The following HEATR4 variants were observed in gnomAD, a reference collection of about 807,000 sequenced individuals.
The protein encoded by HEATR4 is HEAT repeat-containing protein 4.
Under a neutral mutation model 108.8 loss-of-function variants are expected in HEATR4, and 95 were observed. The observed-to-expected ratio is 0.87, with a 90% CI of 0.74 to 1.04. The LOEUF is 1.04. HEATR4 is among the 50% of genes least tolerant of loss of function. HEATR4 has a pLI of 0.00. For synonymous variants in HEATR4, 443 were observed against 459.4 expected (o/e 0.96, Z 0.46); for missense variants, 1,152 against 1,253.8 (o/e 0.92, Z 1.23).
chr14:73,544,621 A>AACAATG lies in HEATR4; in HGVS notation c.-152+14124_-152+14129dup, dbSNP rs773766219. ...TGAGATGAATTACATAAGCGATTTTAACAATGACAAATGTGAAATTCAATA... is the reference window on the plus strand; with the variant it reads ...TGAGATGAATTACATAAGCGATTTTAACAATGACAATGACAAATGTGAAATTCAATA... On this transcript the variant is annotated intron_variant, in intron 1 of 17. Transcript: ENST00000553558. Among the ~76,000 whole-genome samples, 10 of 115,884 alleles carry AACAATG rather than the reference A, an allele frequency of 8.6e-5. 3 individuals carry two copies. Among genetic ancestry groups the AACAATG allele is most frequent in the Non-Finnish European group, 1.9e-4 (10 of 53,088 alleles). The allele number at this position is 115,884 out of a possible 152,430, so 76.0% of individuals were successfully genotyped here.
the HEATR4 span, among the ~76,000 whole-genome samples, chr14:73,607,298 A>G: frequency 6.6e-6 from 1 of 152,172 alleles, no homozygotes; most frequent in Non-Finnish European, 1.5e-5. Context: ...TGACAGAGAG[A>G]GACTCAGTCT....
rs145939433 is a variant in HEATR4, at chr14:73,522,681, G to A, written c.472C>T (p.Arg158Trp). 9.6e-4 allele frequency: 1,555 copies of A among 1,614,224 alleles called. 12 individuals are homozygous for A. Among genetic ancestry groups the A allele is most frequent in the South Asian group, 6.3e-3 (574 of 91,086 alleles). ...LKKSKPASTV[R>W]EAPRPLIHHP... ...TGGATGAGAGGGCGGGGTGCTTCCC[G>A]GACGGTGCTGGCTGGCTTTGATTTC... Residue 158 changes from arginine (R) to tryptophan (W), a missense_variant, in exon 3 of 18, where the codon CGG (arginine) becomes TGG (tryptophan). Coordinates refer to ENST00000553558, the MANE Select transcript of HEATR4 (RefSeq NM_001220484.1).
In HEATR4 at chr14:73,514,039, C is replaced by T. The variant is rs751431280; in HGVS notation, c.1406G>A (p.Trp469Ter). ...RRMLKEWKTA[W>*]ALIIEWHHET... ...GACCTCCCTTCACTCACTCAGAGCC[C>T]AGGCAGTCTTCCATTCCTTCAGCAT... is the stretch of plus-strand genomic sequence containing the variant. The change falls in exon 6 of 18, where the codon TGG becomes TAG. Residue 469 changes from tryptophan to a stop codon, truncating the protein, a stop_gained. Transcript: ENST00000553558. LOFTEE classifies it high-confidence loss of function. The T allele has an allele frequency of 6.2e-7, 1 of 1,614,182 alleles. No homozygotes were observed.
chr14:73,513,604 G>A (rs1042374256), intron 6 of HEATR4, among the ~76,000 whole-genome samples: 8 of 151,062 alleles, frequency 5.3e-5, no homozygotes, highest in Non-Finnish European at 8.9e-5. Context: ...GCGGGTGCCT[G>A]TAATCCTAGC....
rs1233887999 is a variant in HEATR4 at position 73,552,067 on chromosome 14, C to G, written c.-152+6684G>C. Among the ~76,000 whole-genome samples the G allele has an allele frequency of 1.7e-5, 2 of 114,532 alleles. 1 individual carries two copies. Among genetic ancestry groups the G allele is most frequent in the Non-Finnish European group, 3.8e-5 (2 of 52,408 alleles). 75.1% of individuals were successfully genotyped at this position (114,532 alleles called of 152,430 possible). The stretch of plus-strand genomic sequence containing the variant: ...TTGACCTTCAGGTGCCCGGTCAGGT[C>G]TCTTCCAAGTGAACTTTCCTTTCTT... On this transcript the variant is annotated intron_variant, in intron 1 of 17. Coordinates refer to ENST00000553558, the MANE Select transcript of HEATR4 (RefSeq NM_001220484.1).
chr14:73,594,667 G>A, the HEATR4 span, among the ~76,000 whole-genome samples: 2 of 145,572 alleles, frequency 1.4e-5, no homozygotes, highest in Non-Finnish European at 1.5e-5. Flanking sequence ...TTTTTGCATT[G>A]GATAAGTTAT....
At chr14:73,499,003 G>A in intron 13 of HEATR4, 68 bp downstream of exon 13, 4 of 1,336,282 alleles carry the variant, frequency 3.0e-6, no homozygotes, top group Non-Finnish European at 3.2e-6. Context: ...AGTTTCAGGG[G>A]ATCATTTCTA....
chr14:73,609,598 G>A, the HEATR4 span, among the ~76,000 whole-genome samples: 2,251 of 152,202 alleles, frequency 0.015, 55 homozygotes, highest in African/African-American at 0.051. Flanking sequence ...GCAGCACAGG[G>A]ACATCCTTCA....
At chr14:73,572,639 ATT>A in the HEATR4 span, among the ~76,000 whole-genome samples, 2,010 of 107,078 alleles carry the variant, frequency 0.019, 75 homozygotes, top group African/African-American at 0.056. Flanking sequence ...AGGTGTTTGC[ATT>A]TTTTTTTTTT....
the HEATR4 span, among the ~76,000 whole-genome samples, chr14:73,578,612 G>A: frequency 3.3e-5 from 5 of 152,066 alleles, no homozygotes; most frequent in South Asian, 2.1e-4. Flanking sequence ...GAAACAGACC[G>A]AAAAGTTCAT....
In HEATR4 at chr14:73,541,038, A is replaced by C. The variant is rs1444054029; in HGVS notation, c.-151-10794T>G. Among the ~76,000 whole-genome samples the C allele has an allele frequency of 2.9e-4, 33 of 114,378 alleles. 1 individual carries two copies. Among genetic ancestry groups the C allele is most frequent in the African/African-American group, 9.1e-4 (31 of 34,138 alleles). The allele number at this position is 114,378 out of a possible 152,430, so 75.0% of individuals were successfully genotyped here. A position where few individuals can be genotyped will look rare whatever the true frequency, so the allele number is the denominator to read the frequency against. ...ATTACAGGCGTGAGCCACCAGACCCAGCCTGCATTATTATTCTTTAATTTT... is the reference window on the plus strand; with the variant it reads ...ATTACAGGCGTGAGCCACCAGACCCCGCCTGCATTATTATTCTTTAATTTT... On this transcript the variant is annotated intron_variant, in intron 1 of 17. Transcript: ENST00000553558.
chr14:73,593,772 C>G, the HEATR4 span: 1 of 1,613,976 alleles, frequency 6.2e-7, no homozygotes, highest in African/African-American at 1.3e-5. Flanking sequence ...ATCGAGCCAG[C>G]CTCCTTGCTG....
At chr14:73,573,469 G>A in the HEATR4 span, 1 of 1,613,732 alleles carries the variant, frequency 6.2e-7, no homozygotes, top group South Asian at 1.1e-5. Context: ...CTGCTGGCTG[G>A]GAAGGGTTTT....
chr14:73,491,597 C>G (rs1304555493), intron 17 of HEATR4: 1 of 1,546,506 alleles, frequency 6.5e-7, no homozygotes, highest in Non-Finnish European at 8.7e-7. Context: ...CGAGCTGAAC[C>G]GCATCCCCAG....
intron 1 of HEATR4, chr14:73,539,381 G>T: frequency 7.8e-6 from 1 of 128,568 alleles, no homozygotes; most frequent in South Asian, 2.0e-4. Flanking sequence ...AGTCCCCAAA[G>T]ACCACGGTCT....
At chr14:73,573,666 T>A in the HEATR4 span, 1 of 1,552,710 alleles carries the variant, frequency 6.4e-7, no homozygotes, top group Non-Finnish European at 8.9e-7. Context: ...TCACAGAAGT[T>A]AGCTCATTCA....
chr14:73,569,931 G>C, the HEATR4 span: 1 of 1,565,104 alleles, frequency 6.4e-7, no homozygotes, highest in Non-Finnish European at 8.6e-7. Context: ...CTTTCACTTT[G>C]TGTGTCTCCC....
intron 7 of HEATR4, 31 bp downstream of exon 7, chr14:73,511,975 T>C (rs1239001194): frequency 1.2e-6 from 2 of 1,613,244 alleles, no homozygotes; most frequent in East Asian, 4.5e-5. Context: ...GAGTTGCTTA[T>C]GTTCTCAAGC....
chr14:73,575,414 G>A, the HEATR4 span: 2 of 1,337,250 alleles, frequency 1.5e-6, no homozygotes, highest in Non-Finnish European at 2.0e-6. Context: ...GGGAGCCCAG[G>A]GCTCATGCCA....
Sources: gnomAD v4.1 joint callset for allele counts (sites outside exome capture counted in the v4.1 genomes callset) on GRCh38, gnomAD v4.1.1 for gene constraint, MANE v1.5 for transcripts, NCBI Gene and HGNC (gene_info 2026-07-23, HGNC 2026-07-21) for gene names.